Variants in SGCZ observed in about 807,000 individuals in gnomAD.
SGCZ encodes the protein zeta-sarcoglycan.
In SGCZ, 40 loss-of-function variants were observed where a neutral mutation model predicts 41.3. The observed-to-expected ratio is 0.97, with a 90% confidence interval of 0.75 to 1.26. SGCZ has a LOEUF of 1.26. Ranked by LOEUF, SGCZ falls within the 50% of genes most tolerant of loss-of-function variation. The pLI is 0.00. For missense variants in SGCZ, 552 were observed against 369.8 expected, an observed-to-expected ratio of 1.49 and a Z score of -4.04; for synonymous variants, 206 against 137.5, an observed-to-expected ratio of 1.50 and a Z score of -3.49.
rs904476017 is a variant in SGCZ at position 14,634,724 on chromosome 8, C to T, written c.40-79798G>A. Among the ~76,000 whole-genome samples, 4 of 151,782 alleles carry T rather than the reference C, an allele frequency of 2.6e-5. No homozygotes were observed. The South Asian group carries it at 8.3e-4, about 32-fold the overall frequency. ...GACTCTCAGACACATACGGAAATCA[C>T]AAAATTCCATAAACTTTTCCTGACT... On this transcript the variant is annotated intron_variant, in intron 1 of 7. Transcript: ENST00000382080.
chr8:14,375,794 T>C (rs1431009801), intron 2 of SGCZ, among the ~76,000 whole-genome samples: 4 of 151,876 alleles, frequency 2.6e-5, no homozygotes, highest in Non-Finnish European at 5.9e-5. Flanking sequence ...ATAAATTAAA[T>C]TCCCAAATTA....
intron 5 of SGCZ, among the ~76,000 whole-genome samples, chr8:14,164,233 C>T (rs905737666): frequency 2.0e-5 from 3 of 152,072 alleles, no homozygotes; most frequent in Non-Finnish European, 2.9e-5. Context: ...TTAGTTCCTT[C>T]GCACGTCTTT....
At chr8:14,332,946 T>C (rs1458327277) in intron 2 of SGCZ, among the ~76,000 whole-genome samples, 1 of 150,652 alleles carries the variant, frequency 6.6e-6, no homozygotes, top group Non-Finnish European at 1.5e-5. Flanking sequence ...TATATGTGTA[T>C]ATATATAAAA....
chr8:14,891,589 A>T (rs192378571), intron 1 of SGCZ, among the ~76,000 whole-genome samples: 257 of 152,328 alleles, frequency 1.7e-3, no homozygotes, highest in Non-Finnish European at 2.6e-3. Flanking sequence ...TGTTAAAATG[A>T]CAACAAAGGA....
intron 2 of SGCZ, among the ~76,000 whole-genome samples, chr8:14,441,412 T>C (rs1585517669): frequency 6.6e-6 from 1 of 152,034 alleles, no homozygotes; most frequent in African/African-American, 2.4e-5. Flanking sequence ...CCGTCTCTAC[T>C]GAAAATACAA....
At chr8:14,718,431 C>G (rs1452215760) in intron 1 of SGCZ, among the ~76,000 whole-genome samples, 1 of 151,926 alleles carries the variant, frequency 6.6e-6, no homozygotes, top group East Asian at 1.9e-4. Context: ...ATGTGATGCT[C>G]TTTTTAAAGG....
chr8:14,452,800 G>A (rs1038598464), intron 2 of SGCZ, among the ~76,000 whole-genome samples: 4 of 151,974 alleles, frequency 2.6e-5, no homozygotes, highest in African/African-American at 4.8e-5. Flanking sequence ...GAAACATTCC[G>A]TATAAAAAGA....
chr8:14,416,988 G>A (rs542907372), intron 2 of SGCZ, among the ~76,000 whole-genome samples: 58 of 151,948 alleles, frequency 3.8e-4, no homozygotes, highest in African/African-American at 1.3e-3. Flanking sequence ...TGAGAAGTAT[G>A]GGAGTTAAAT....
At chr8:14,917,754 T>C (rs1288116138) in intron 1 of SGCZ, among the ~76,000 whole-genome samples, 1 of 152,152 alleles carries the variant, frequency 6.6e-6, no homozygotes, top group African/African-American at 2.4e-5. Flanking sequence ...TGTGTATGCT[T>C]TCTGTCTTCA....
rs1806815419 is a variant in SGCZ at position 14,237,641 on chromosome 8, T to G, written c.375A>C (p.Thr125=). Reference sequence around the variant, plus strand: ...GCCCCATGTGATTTCTTGCATTCACTGTGACATTCCTGTCAGACTGTAAGA... The same window carrying G: ...GCCCCATGTGATTTCTTGCATTCACGGTGACATTCCTGTCAGACTGTAAGA... ...PLVLQSDRNV[T]VNARNHMGQL... The change falls in exon 4 of 8, where the codon ACA becomes ACC. Residue 125 remains threonine, a synonymous_variant. Coordinates refer to ENST00000382080, the MANE Select transcript of SGCZ (RefSeq NM_139167.4). 2 of 1,613,846 alleles carry G rather than the reference T, an allele frequency of 1.2e-6. No homozygotes were observed. The highest frequency in any genetic ancestry group is 2.7e-5 in the African/African-American group (2 of 74,912).
chr8:14,592,924 T>C (rs1805285848), intron 1 of SGCZ, among the ~76,000 whole-genome samples: 1 of 152,274 alleles, frequency 6.6e-6, no homozygotes, highest in South Asian at 2.1e-4. Context: ...AATCCATTTG[T>C]CTTTAGATAT....
At chr8:15,212,505 T>G (rs1801265119) in intron 1 of SGCZ, among the ~76,000 whole-genome samples, 2 of 152,192 alleles carry the variant, frequency 1.3e-5, no homozygotes, top group Admixed American at 1.3e-4. Flanking sequence ...ATTATTTCCT[T>G]GATAGTATCT....
At chr8:14,733,614 T>C (rs530304135) in intron 1 of SGCZ, among the ~76,000 whole-genome samples, 1 of 152,326 alleles carries the variant, frequency 6.6e-6, no homozygotes, top group East Asian at 1.9e-4. Flanking sequence ...TGTGAGATTT[T>C]ATATCTTAAA....
intron 1 of SGCZ, among the ~76,000 whole-genome samples, chr8:14,570,516 C>T (rs953978545): frequency 2.0e-5 from 3 of 152,154 alleles, no homozygotes; most frequent in African/African-American, 7.2e-5. Flanking sequence ...AAATGTATAA[C>T]AGCTTATCTA....
intron 1 of SGCZ, among the ~76,000 whole-genome samples, chr8:14,864,818 A>ATCC (rs1444063059): frequency 6.6e-6 from 1 of 151,960 alleles, no homozygotes; most frequent in East Asian, 1.9e-4. Context: ...GTTCCTCCTT[A>ATCC]TCCTCATCAG....
intron 1 of SGCZ, among the ~76,000 whole-genome samples, chr8:15,016,425 G>C (rs1803035285): frequency 6.6e-6 from 1 of 152,154 alleles, no homozygotes; most frequent in African/African-American, 2.4e-5. Flanking sequence ...CTTAGAAATG[G>C]CTCTCTCCTG....
intron 2 of SGCZ, among the ~76,000 whole-genome samples, chr8:14,457,636 T>C (rs1217627538): frequency 6.6e-6 from 1 of 152,208 alleles, no homozygotes. Context: ...ATAGCAGTAG[T>C]AAATTAGTGA....
intron 1 of SGCZ, among the ~76,000 whole-genome samples, chr8:14,641,443 G>A (rs186425189): frequency 6.6e-6 from 1 of 151,748 alleles, no homozygotes; most frequent in African/African-American, 2.4e-5. Context: ...TTTGAAATAA[G>A]TCACAATTAT....
intron 1 of SGCZ, among the ~76,000 whole-genome samples, chr8:14,799,223 T>A (rs373282057): frequency 1.3e-5 from 2 of 152,160 alleles, no homozygotes; most frequent in East Asian, 3.9e-4. Flanking sequence ...TCATAGTAAT[T>A]TAAAATAATA....
Sources: gnomAD v4.1 joint callset for allele counts (sites outside exome capture counted in the v4.1 genomes callset) on GRCh38, gnomAD v4.1.1 for gene constraint, MANE v1.5 for transcripts, NCBI Gene and HGNC (gene_info 2026-07-23, HGNC 2026-07-21) for gene names.